Variants in ARHGAP25 observed in about 807,000 individuals in gnomAD.
ARHGAP25 encodes rho GTPase-activating protein 25.
In ARHGAP25, 34 loss-of-function variants were observed where a neutral mutation model predicts 71.0. The ratio of observed to expected loss-of-function variants is 0.48; its 90% CI spans 0.36 to 0.64. The LOEUF (loss-of-function observed/expected upper bound fraction) is 0.64, where lower values mean the gene tolerates loss of function less well. Ranked by LOEUF, ARHGAP25 falls within the 30% of genes least tolerant of loss-of-function variation. The pLI, the probability that ARHGAP25 is intolerant of heterozygous loss-of-function variation, is 0.00. For missense variants in ARHGAP25, 706 were observed against 805.1 expected, an observed-to-expected ratio of 0.88 and a Z score of 1.49; for synonymous variants, 282 against 296.5, an observed-to-expected ratio of 0.95 and a Z score of 0.50.
intron 4 of ARHGAP25, 69 bp from the exon 5 acceptor site, chr2:68,807,204 G>C: frequency 6.6e-7 from 1 of 1,524,700 alleles, no homozygotes; most frequent in African/African-American, 1.4e-5. Context: ...AGGTGACACA[G>C]AAAGTCAAGA....
At chr2:68,724,276 C>G (rs1198923974) in intron 2 of ARHGAP25, among the ~76,000 whole-genome samples, 1 of 152,198 alleles carries the variant, frequency 6.6e-6, no homozygotes, top group Admixed American at 6.5e-5. Context: ...TGGCCCTGAA[C>G]TCTCCAGGTG....
intron 4 of ARHGAP25, among the ~76,000 whole-genome samples, chr2:68,800,255 C>A (rs898685237): frequency 6.6e-6 from 1 of 151,942 alleles, no homozygotes; most frequent in Admixed American, 6.6e-5. Flanking sequence ...GGGAGGGGCT[C>A]TTGTCCTGAT....
upstream of ARHGAP25, among the ~76,000 whole-genome samples, chr2:68,734,600 G>C (rs1242994422): frequency 6.6e-6 from 1 of 152,154 alleles, no homozygotes; most frequent in Non-Finnish European, 1.5e-5. Context: ...TAGATGATGG[G>C]AGTTTCGACA....
intron 1 of ARHGAP25, among the ~76,000 whole-genome samples, chr2:68,739,411 T>C (rs970403759): frequency 4.8e-4 from 73 of 152,224 alleles, no homozygotes; most frequent in African/African-American, 1.7e-3. Flanking sequence ...CATCTTCATG[T>C]AGCATCCAAT....
chr2:68,813,433 A>G lies in ARHGAP25; in HGVS notation c.807+14A>G, dbSNP rs761632280. ...GATGAGGCAAAGGTTTGCATCTTAG[A>G]GTTAGTTGTCCTGCCTTAGAAGAAA... On this transcript the variant is annotated intron_variant, in intron 6 of 10. Coordinates refer to ENST00000409202, the MANE Select transcript of ARHGAP25 (RefSeq NM_001007231.3). 3.7e-6 allele frequency: 6 copies of G among 1,609,938 alleles called. No homozygotes were observed. The highest frequency in any genetic ancestry group is 5.1e-6 in the Non-Finnish European group (6 of 1,178,558).
intron 2 of ARHGAP25, among the ~76,000 whole-genome samples, chr2:68,776,865 T>G (rs1274009311): frequency 2.0e-5 from 3 of 151,464 alleles, no homozygotes; most frequent in Non-Finnish European, 4.4e-5. Context: ...ATATTGGGGG[T>G]GGGTGGGACC....
In ARHGAP25 at chr2:68,735,156, C is replaced by G. The variant is rs763368813; in HGVS notation, c.-44C>G. On this transcript the variant is annotated 5_prime_UTR_variant, in exon 1 of 11. Coordinates refer to ENST00000409202, the MANE Select transcript of ARHGAP25 (RefSeq NM_001007231.3). ...AAGACAAGAAGGGCGCAAACTGTGA[C>G]AGACTCACCGCTTCACTAACTACTC... 6.5e-7 allele frequency: 1 copy of G among 1,532,830 alleles called. No individual in the cohort carries two copies. The highest frequency in any genetic ancestry group is 9.0e-7 in the Non-Finnish European group (1 of 1,106,096). The allele number at this position is 1,532,830 out of a possible 1,614,324, so 95.0% of individuals were successfully genotyped here.
At chr2:68,790,426 T>C (rs916883285) in intron 4 of ARHGAP25, among the ~76,000 whole-genome samples, 1 of 152,198 alleles carries the variant, frequency 6.6e-6, no homozygotes, top group Non-Finnish European at 1.5e-5. Flanking sequence ...ATGTTGGCCT[T>C]AAAGGGACAA....
intron 4 of ARHGAP25, among the ~76,000 whole-genome samples, chr2:68,796,026 T>A (rs533638160): frequency 6.6e-6 from 1 of 152,308 alleles, no homozygotes; most frequent in East Asian, 1.9e-4. Flanking sequence ...TTCCTTTTTA[T>A]TCTTTTTTCT....
intron 6 of ARHGAP25, among the ~76,000 whole-genome samples, chr2:68,813,978 G>C (rs1034404937): frequency 2.0e-5 from 3 of 152,148 alleles, no homozygotes; most frequent in African/African-American, 7.2e-5. Flanking sequence ...TTTATTTCTA[G>C]AGAGGCCTTA....
intron 2 of ARHGAP25, among the ~76,000 whole-genome samples, chr2:68,780,939 G>C (rs1415570462): frequency 6.6e-6 from 1 of 152,156 alleles, no homozygotes; most frequent in Admixed American, 6.5e-5. Context: ...CAGCCAGCGA[G>C]GTGTAAATTA....
At chr2:68,719,276 C>A (rs1397566031) in intron 2 of ARHGAP25, among the ~76,000 whole-genome samples, 2 of 151,914 alleles carry the variant, frequency 1.3e-5, no homozygotes, top group African/African-American at 4.8e-5. Context: ...CAAGTGAGAA[C>A]CCTGGACTTT....
intron 1 of ARHGAP25, among the ~76,000 whole-genome samples, chr2:68,738,249 AG>A (rs982578122): frequency 1.3e-5 from 2 of 152,166 alleles, no homozygotes; most frequent in Non-Finnish European, 2.9e-5. Flanking sequence ...ACTGGAGGAC[AG>A]GTCCAGACTT....
chr2:68,811,432 T>C (rs1167434493), intron 5 of ARHGAP25, among the ~76,000 whole-genome samples: 3 of 152,226 alleles, frequency 2.0e-5, no homozygotes, highest in African/African-American at 7.2e-5. Context: ...TCTCGGGAAC[T>C]TCTCATAACA....
At chr2:68,734,702 T>C (rs1352112057), upstream of ARHGAP25, 1 of 153,910 alleles carries the variant, frequency 6.5e-6, no homozygotes, top group Non-Finnish European at 1.4e-5. Flanking sequence ...CAAGAAAGAG[T>C]GCTCATAATG....
At chr2:68,745,249 T>C (rs1223731417) in intron 1 of ARHGAP25, among the ~76,000 whole-genome samples, 1 of 152,178 alleles carries the variant, frequency 6.6e-6, no homozygotes, top group African/African-American at 2.4e-5. Flanking sequence ...GCTCAGCCAC[T>C]CATAGTCATA....
chr2:68,775,303 C>T lies in ARHGAP25; in HGVS notation c.144C>T (p.Ile48=), dbSNP rs747584041. The T allele has an allele frequency of 6.2e-7, 1 of 1,614,250 alleles. No homozygotes were observed. Among genetic ancestry groups the T allele is most frequent in the South Asian group, 1.1e-5 (1 of 91,088 alleles). Residue 48 remains isoleucine (I), a synonymous_variant, in exon 2 of 11, where the codon ATC becomes ATT. Transcript: ENST00000409202. ...SSTPNPLERP[I]KMGWLKKQRS... ...CCCCCAACCCGCTGGAGAGGCCCAT[C>T]AAGATGGGCTGGCTGAAGAAGCAGA...
chr2:68,789,897 C>T (rs185274672), intron 4 of ARHGAP25, among the ~76,000 whole-genome samples: 83 of 152,204 alleles, frequency 5.5e-4, no homozygotes, highest in Non-Finnish European at 6.5e-4. Context: ...GTCCTGTAGG[C>T]GGTGGAAAGT....
intron 1 of ARHGAP25, chr2:68,735,482 G>T: frequency 1.7e-6 from 1 of 599,594 alleles, no homozygotes; most frequent in South Asian, 2.0e-5. Flanking sequence ...GGCACTCCTT[G>T]GTGTGCAGGA....
Sources: gnomAD v4.1 joint callset for allele counts (sites outside exome capture counted in the v4.1 genomes callset) on GRCh38, gnomAD v4.1.1 for gene constraint, MANE v1.5 for transcripts, NCBI Gene and HGNC (gene_info 2026-07-23, HGNC 2026-07-21) for gene names.